PLD5: variants seen among roughly 807,000 people sequenced by gnomAD.
PLD5 encodes the protein inactive phospholipase D5.
In PLD5, 36 loss-of-function variants were observed where a neutral mutation model predicts 61.1. The ratio of observed to expected loss-of-function variants is 0.59; its 90% CI spans 0.45 to 0.78. The LOEUF (loss-of-function observed/expected upper bound fraction) is 0.78, where lower values mean the gene tolerates loss of function less well. Among genes scored for constraint, PLD5 ranks in the 30% least tolerant of loss-of-function variants. PLD5 has a pLI of 0.00. For missense variants in PLD5, 515 were observed against 644.4 expected (o/e 0.80, Z 2.17); for synonymous variants, 243 against 242.8 (o/e 1.00, Z -0.01).
At chr1:242,169,574 GAC>G (rs1199969529) in intron 5 of PLD5, among the ~76,000 whole-genome samples, 1 of 152,160 alleles carries the variant, frequency 6.6e-6, no homozygotes, top group African/African-American at 2.4e-5. Context: ...ATGCCAGCGA[GAC>G]AGAACTATTC....
intron 2 of PLD5, among the ~76,000 whole-genome samples, chr1:242,317,008 C>CTT (rs913777385): frequency 6.2e-5 from 9 of 144,156 alleles, no homozygotes; most frequent in Admixed American, 1.4e-4. Context: ...ATCCAGTCTA[C>CTT]TTTTTTTTTT....
intron 2 of PLD5, among the ~76,000 whole-genome samples, chr1:242,315,449 C>T (rs1287237646): frequency 5.3e-5 from 8 of 152,056 alleles, no homozygotes; most frequent in East Asian, 3.9e-4. Flanking sequence ...GCTAGACGTT[C>T]GGGAAATACA....
At chr1:242,319,065 C>A (rs768066272) in intron 2 of PLD5, among the ~76,000 whole-genome samples, 61 of 152,064 alleles carry the variant, frequency 4.0e-4, no homozygotes, top group Non-Finnish European at 5.9e-4. Context: ...AAGCCCTCCT[C>A]GAACATGGGG....
chr1:242,330,118 C>T (rs189170017), intron 2 of PLD5, among the ~76,000 whole-genome samples: 1 of 152,158 alleles, frequency 6.6e-6, no homozygotes, highest in African/African-American at 2.4e-5. Flanking sequence ...TTAATAAGCA[C>T]CCAGGGGATT....
chr1:242,124,691 A>G (rs765886579), intron 5 of PLD5, 26 bp from the exon 6 acceptor site: 37 of 1,578,870 alleles, frequency 2.3e-5, no homozygotes, highest in Non-Finnish European at 3.2e-5. Context: ...TGAAAGCATC[A>G]ATGCCATGTG....
intron 1 of PLD5, among the ~76,000 whole-genome samples, chr1:242,477,677 C>T (rs925182742): frequency 6.6e-6 from 1 of 152,056 alleles, no homozygotes; most frequent in Non-Finnish European, 1.5e-5. Context: ...CAGTGTGAAC[C>T]CAGCATTAAC....
intron 1 of PLD5, among the ~76,000 whole-genome samples, chr1:242,478,633 G>A (rs867555602): frequency 2.6e-5 from 4 of 152,130 alleles, no homozygotes; most frequent in African/African-American, 7.2e-5. Context: ...CAATCACTTC[G>A]CAAGGAGCAC....
intron 5 of PLD5, among the ~76,000 whole-genome samples, chr1:242,212,974 A>G (rs1669926955): frequency 6.6e-6 from 1 of 152,222 alleles, no homozygotes; most frequent in African/African-American, 2.4e-5. Flanking sequence ...CTGGACATGT[A>G]GAACCATCAA....
chr1:242,462,248 A>G (rs933961208), intron 1 of PLD5, among the ~76,000 whole-genome samples: 1 of 152,218 alleles, frequency 6.6e-6, no homozygotes, highest in African/African-American at 2.4e-5. Context: ...ATGCCCATCA[A>G]TGGTAGACTG....
intron 4 of PLD5, among the ~76,000 whole-genome samples, chr1:242,260,341 C>A (rs56265988): frequency 6.7e-6 from 1 of 148,300 alleles, no homozygotes; most frequent in African/African-American, 2.5e-5. Flanking sequence ...AGTGAGACTC[C>A]GTCTCAAAAA....
At position 242,137,431 on chromosome 1, in the gene PLD5, A is replaced by G. The variant is rs574785651; in HGVS notation, c.736-12766T>C. ...TCTTGGTAAATTCTTTTTTCCTCCC[A>G]TGCTACTAGCTCCAGATAGTCGCTA... On this transcript the variant is annotated intron_variant, in intron 5 of 9. Transcript: ENST00000536534. Among the ~76,000 whole-genome samples the G allele has an allele frequency of 1.3e-4, 20 of 152,230 alleles. No homozygotes were observed. In the South Asian group the frequency reaches 3.3e-3, roughly 25 times the overall value.
intron 4 of PLD5, among the ~76,000 whole-genome samples, chr1:242,239,079 A>G (rs1400083601): frequency 6.6e-6 from 1 of 152,246 alleles, no homozygotes; most frequent in Non-Finnish European, 1.5e-5. Context: ...GAGGAACAAC[A>G]ATCTCATCTT....
At chr1:242,106,333 ACT>A (rs1261697898) in intron 8 of PLD5, among the ~76,000 whole-genome samples, 1 of 152,116 alleles carries the variant, frequency 6.6e-6, no homozygotes, top group African/African-American at 2.4e-5. Flanking sequence ...TCACTGGAAG[ACT>A]CTGTGCAGTG....
chr1:242,319,206 A>G (rs1397370013), intron 2 of PLD5, among the ~76,000 whole-genome samples: 1 of 152,150 alleles, frequency 6.6e-6, no homozygotes. Context: ...CAGGGAGAGA[A>G]TCCCAGAGCT....
rs76099767 is a variant in PLD5 at position 242,494,272 on chromosome 1, C to T, written c.189+29816G>A. On this transcript the variant is annotated intron_variant, in intron 1 of 9. Coordinates refer to ENST00000536534, the MANE Select transcript of PLD5 (RefSeq NM_001372062.1). ...CTGTCCTACCGCAGGCCCTATAGAA[C>T]GCCTGTTCTGTACACCAGGCACACT... Among the ~76,000 whole-genome samples the T allele has an allele frequency of 5.2e-3, 797 of 152,226 alleles. 11 individuals carry two copies. Among genetic ancestry groups the T allele is most frequent in the African/African-American group, 0.017 (726 of 41,536 alleles).
intron 3 of PLD5, among the ~76,000 whole-genome samples, chr1:242,279,170 T>G (rs1674575847): frequency 6.6e-6 from 1 of 152,222 alleles, no homozygotes; most frequent in Admixed American, 6.5e-5. Context: ...ACATCACTAC[T>G]GAGGGAACAA....
intron 1 of PLD5, among the ~76,000 whole-genome samples, chr1:242,402,216 G>A (rs1663975924): frequency 6.6e-6 from 1 of 152,184 alleles, no homozygotes; most frequent in Admixed American, 6.5e-5. Flanking sequence ...AGATAAACTA[G>A]AGAATAAATG....
chr1:242,439,394 C>A (rs1666165403), intron 1 of PLD5, among the ~76,000 whole-genome samples: 1 of 152,064 alleles, frequency 6.6e-6, no homozygotes, highest in Non-Finnish European at 1.5e-5. Context: ...CATGGAGGCA[C>A]GTTCATAGGA....
chr1:242,244,061 A>G (rs1209415285), intron 4 of PLD5, among the ~76,000 whole-genome samples: 2 of 152,242 alleles, frequency 1.3e-5, no homozygotes, highest in African/African-American at 4.8e-5. Context: ...TAACAAATTC[A>G]GAATAAATAT....
Sources: allele counts gnomAD v4.1 joint callset (sites outside exome capture counted in the v4.1 genomes callset), GRCh38; gene constraint gnomAD v4.1.1; transcripts MANE v1.5; gene names NCBI Gene and HGNC (gene_info 2026-07-23, HGNC 2026-07-21).